The following KCND2 variants were observed in gnomAD, a reference collection of about 807,000 sequenced individuals.
KCND2 encodes the protein A-type voltage-gated potassium channel KCND2.
Under a neutral mutation model 54.4 loss-of-function variants are expected in KCND2, and 16 were observed. The observed-to-expected ratio is 0.29, with a 90% CI of 0.20 to 0.45. The LOEUF (loss-of-function observed/expected upper bound fraction) is 0.45. Ranked by LOEUF, KCND2 falls within the 20% of genes least tolerant of loss-of-function variation. The pLI is 1.00. For missense variants in KCND2, 486 were observed against 824.2 expected (o/e 0.59, Z 5.02); for synonymous variants, 317 against 310.7 (o/e 1.02, Z -0.21).
intron 1 of KCND2, among the ~76,000 whole-genome samples, chr7:120,325,038 A>G (rs1421398727): frequency 1.4e-5 from 2 of 140,176 alleles, no homozygotes; most frequent in Non-Finnish European, 3.1e-5. Context: ...TTGGATTCCT[A>G]GGTATTTTAT....
intron 1 of KCND2, among the ~76,000 whole-genome samples, chr7:120,608,282 G>T (rs1044721840): frequency 1.3e-5 from 2 of 152,040 alleles, no homozygotes; most frequent in Non-Finnish European, 2.9e-5. Context: ...ACTTGTTTTA[G>T]ATTTACTTGT....
chr7:120,632,742 G>T (rs1793253357), intron 1 of KCND2, among the ~76,000 whole-genome samples: 1 of 152,110 alleles, frequency 6.6e-6, no homozygotes, highest in Non-Finnish European at 1.5e-5. Context: ...TGAGGAAATG[G>T]GCATGGGGAG....
intron 1 of KCND2, among the ~76,000 whole-genome samples, chr7:120,685,880 A>C (rs1209074531): frequency 6.6e-6 from 1 of 152,176 alleles, no homozygotes; most frequent in African/African-American, 2.4e-5. Context: ...TGGTGGGCAG[A>C]AGTTGTCCTG....
At chr7:120,568,425 A>T (rs1204437304) in intron 1 of KCND2, among the ~76,000 whole-genome samples, 1 of 152,162 alleles carries the variant, frequency 6.6e-6, no homozygotes, top group Non-Finnish European at 1.5e-5. Context: ...AAATAATTTA[A>T]TTGATATATA....
At chr7:120,407,066 A>G in intron 1 of KCND2, among the ~76,000 whole-genome samples, 1 of 152,000 alleles carries the variant, frequency 6.6e-6, no homozygotes, top group East Asian at 1.9e-4. Context: ...CAATGAAAAA[A>G]AAAATTTCCT....
intron 4 of KCND2, among the ~76,000 whole-genome samples, chr7:120,745,426 A>C (rs1486116062): frequency 6.6e-6 from 1 of 151,864 alleles, no homozygotes; most frequent in East Asian, 1.9e-4. Context: ...GGAATTTCTA[A>C]TTTCCCTGTG....
chr7:120,525,579 G>A (rs1043199268), intron 1 of KCND2, among the ~76,000 whole-genome samples: 12 of 152,116 alleles, frequency 7.9e-5, no homozygotes, highest in African/African-American at 2.4e-4. Context: ...TCCCCAGGTG[G>A]CCACAGACTT....
At chr7:120,426,334 C>A (rs1204579318) in intron 1 of KCND2, among the ~76,000 whole-genome samples, 2 of 152,132 alleles carry the variant, frequency 1.3e-5, no homozygotes, top group African/African-American at 4.8e-5. Context: ...TATTAGAGAT[C>A]AAATGGAAGA....
intron 1 of KCND2, among the ~76,000 whole-genome samples, chr7:120,355,716 A>G (rs1005101026): frequency 6.6e-6 from 1 of 152,224 alleles, no homozygotes; most frequent in Non-Finnish European, 1.5e-5. Flanking sequence ...ATCTGAATAT[A>G]TATTGATTTG....
intron 1 of KCND2, among the ~76,000 whole-genome samples, chr7:120,518,743 T>C (rs1562861780): frequency 6.6e-6 from 1 of 152,152 alleles, no homozygotes; most frequent in Non-Finnish European, 1.5e-5. Context: ...CTTTTTGCCA[T>C]AGGTTTACCA....
At chr7:120,309,332 G>A (rs1425874400) in intron 1 of KCND2, among the ~76,000 whole-genome samples, 1 of 151,750 alleles carries the variant, frequency 6.6e-6, no homozygotes, top group Admixed American at 6.6e-5. Flanking sequence ...CTGAAAATAA[G>A]AGTATTTACA....
chr7:120,428,020 A>G (rs1563042989), intron 1 of KCND2, among the ~76,000 whole-genome samples: 1 of 152,206 alleles, frequency 6.6e-6, no homozygotes, highest in Non-Finnish European at 1.5e-5. Flanking sequence ...AGTTTGGGGA[A>G]TAGGAAAATG....
At chr7:120,310,122 G>A (rs1469389604) in intron 1 of KCND2, among the ~76,000 whole-genome samples, 1 of 152,126 alleles carries the variant, frequency 6.6e-6, no homozygotes, top group East Asian at 1.9e-4. Flanking sequence ...CACTATCACT[G>A]TACTCCTGAG....
At chr7:120,546,091 A>T (rs934601719) in intron 1 of KCND2, among the ~76,000 whole-genome samples, 1 of 151,970 alleles carries the variant, frequency 6.6e-6, no homozygotes, top group Non-Finnish European at 1.5e-5. Flanking sequence ...TAAATGCTTA[A>T]TTATTTTCCT....
chr7:120,499,482 G>A (rs1159813936), intron 1 of KCND2, among the ~76,000 whole-genome samples: 1 of 152,026 alleles, frequency 6.6e-6, no homozygotes, highest in Non-Finnish European at 1.5e-5. Flanking sequence ...TTTCTGCAAA[G>A]TACATTAAAA....
intron 1 of KCND2, among the ~76,000 whole-genome samples, chr7:120,424,253 C>G (rs578164351): frequency 3.3e-5 from 5 of 152,250 alleles, no homozygotes; most frequent in Admixed American, 6.5e-5. Context: ...GGTCTGTGAT[C>G]CTGGGCACGC....
At chr7:120,330,124 C>G (rs1800041510) in intron 1 of KCND2, among the ~76,000 whole-genome samples, 1 of 152,076 alleles carries the variant, frequency 6.6e-6, no homozygotes, top group African/African-American at 2.4e-5. Context: ...AACTCAGCTC[C>G]CCATTCACTA....
At chr7:120,396,318 T>C (rs1801155603) in intron 1 of KCND2, among the ~76,000 whole-genome samples, 1 of 152,040 alleles carries the variant, frequency 6.6e-6, no homozygotes, top group South Asian at 2.1e-4. Flanking sequence ...CAGAATCGAC[T>C]GGCATGTCTC....
At chr7:120,426,642 T>G (rs1264152466) in intron 1 of KCND2, among the ~76,000 whole-genome samples, 1 of 85,202 alleles carries the variant, frequency 1.2e-5, no homozygotes, top group African/African-American at 8.8e-5. Context: ...CAGGCTGGAG[T>G]GCAGTGGCGC....
Sources: gnomAD v4.1 joint callset for allele counts (sites outside exome capture counted in the v4.1 genomes callset) on GRCh38, gnomAD v4.1.1 for gene constraint, MANE v1.5 for transcripts, NCBI Gene and HGNC (gene_info 2026-07-23, HGNC 2026-07-21) for gene names.